The following BTNL8 variants were observed in gnomAD, a reference collection of about 807,000 sequenced individuals.
BTNL8 encodes butyrophilin like 8, also known as butyrophilin-like protein 8.
A neutral mutation model predicts 36.1 loss-of-function variants in BTNL8; 22 were observed. The observed-to-expected ratio is 0.61, with a 90% confidence interval of 0.44 to 0.87. The LOEUF (loss-of-function observed/expected upper bound fraction) is 0.87. Ranked by LOEUF, BTNL8 falls within the 40% of genes least tolerant of loss-of-function variation. The pLI is 0.00. For missense variants in BTNL8, 526 were observed against 616.9 expected (o/e 0.85, Z 1.56); for synonymous variants, 203 against 235.6 (o/e 0.86, Z 1.27).
At chr5:180,909,755 AG>A (rs1273992503) in intron 2 of BTNL8, 1 of 227,386 alleles carries the variant, frequency 4.4e-6, no homozygotes, top group African/African-American at 2.3e-5. Flanking sequence ...AGGAAAAAAC[AG>A]AAATTTATTG....
At chr5:180,903,791 C>A (rs201077089) in intron 1 of BTNL8, among the ~76,000 whole-genome samples, 2 of 139,116 alleles carry the variant, frequency 1.4e-5, no homozygotes, top group Non-Finnish European at 3.1e-5. Context: ...AATCCTTTCC[C>A]CATTGCTTGT....
chr5:180,941,125 G>GAAGGAAGGAAGC (rs1758922628), intron 3 of BTNL8, among the ~76,000 whole-genome samples: 1 of 150,258 alleles, frequency 6.7e-6, no homozygotes, highest in Non-Finnish European at 1.5e-5. Flanking sequence ...AGGAAGGAAG[G>GAAGGAAGGAAGC]AAGGAAGGAA....
intron 3 of BTNL8, among the ~76,000 whole-genome samples, chr5:180,942,330 G>A (rs1759022582): frequency 6.6e-6 from 1 of 152,142 alleles, no homozygotes; most frequent in South Asian, 2.1e-4. Context: ...TGTTCCTGAT[G>A]TAAGAGAATT....
intron 3 of BTNL8, 100 bp from the exon 4 acceptor site, chr5:180,947,412 T>C (rs1759314181): frequency 1.4e-6 from 2 of 1,437,630 alleles, no homozygotes; most frequent in African/African-American, 1.4e-5. Flanking sequence ...TATAGAAACC[T>C]ATTTCTTCCA....
At chr5:180,924,350 A>G (rs1582035914) in intron 3 of BTNL8, among the ~76,000 whole-genome samples, 1 of 152,140 alleles carries the variant, frequency 6.6e-6, no homozygotes, top group African/African-American at 2.4e-5. Context: ...GGCCCTGCCC[A>G]CCCTGAGTGA....
chr5:180,911,713 C>A, intron 3 of BTNL8, 99 bp downstream of exon 3: 1 of 1,194,740 alleles, frequency 8.4e-7, no homozygotes, highest in Non-Finnish European at 1.2e-6. Flanking sequence ...TTTTATCTTT[C>A]TCAGTTCTAA....
chr5:180,916,962 C>G (rs1036846158), intron 3 of BTNL8, among the ~76,000 whole-genome samples: 13 of 152,182 alleles, frequency 8.5e-5, no homozygotes, highest in Non-Finnish European at 1.8e-4. Flanking sequence ...GACTACGGCA[C>G]TATGAAAAAT....
intron 3 of BTNL8, among the ~76,000 whole-genome samples, chr5:180,933,201 C>G (rs1758486980): frequency 1.3e-5 from 2 of 152,072 alleles, no homozygotes; most frequent in African/African-American, 4.8e-5. Context: ...AACTGCAACA[C>G]AATAGAAGTA....
At chr5:180,947,387 G>A (rs7724616) in intron 3 of BTNL8, 125 bp from the exon 4 acceptor site, 506,118 of 1,267,370 alleles carry the variant, frequency 0.4, 104,579 homozygotes, top group African/African-American at 0.63. Flanking sequence ...AAAGTATTAA[G>A]CCTATAGGAG....
intron 3 of BTNL8, among the ~76,000 whole-genome samples, chr5:180,941,036 A>G (rs1758909490): frequency 6.6e-6 from 1 of 150,792 alleles, no homozygotes; most frequent in African/African-American, 2.4e-5. Flanking sequence ...GGCTGCAGTG[A>G]GCCGAGATTG....
chr5:180,911,626 G>A lies in BTNL8; in HGVS notation c.673+12G>A. The A allele has an allele frequency of 1.3e-6, 2 of 1,595,500 alleles. No individual in the cohort carries two copies. Among genetic ancestry groups the A allele is most frequent in the Non-Finnish European group, 1.7e-6 (2 of 1,165,536 alleles). On this transcript the variant is annotated intron_variant, in intron 3 of 7. Transcript: ENST00000340184. ...GGTACAGATAGGAGGTGAGTAGGGA[G>A]GGGAGGAGAAGAGAAGGAGGGGTGG...
rs745731827 is a variant in BTNL8, at chr5:180,899,369, A to G, written c.49+10A>G. Reference sequence around the variant, plus strand: ...CTCAAGCTGGGATCAGGTAAGACTCATCTTTGTTTCCTCCTTACTAACTAA... The same window carrying G: ...CTCAAGCTGGGATCAGGTAAGACTCGTCTTTGTTTCCTCCTTACTAACTAA... On this transcript the variant is annotated intron_variant, in intron 1 of 7. Coordinates refer to ENST00000340184, the MANE Select transcript of BTNL8 (RefSeq NM_001040462.3). 5.6e-6 allele frequency: 9 copies of G among 1,611,864 alleles called. No homozygotes were observed. Among genetic ancestry groups the G allele is most frequent in the Non-Finnish European group, 7.6e-6 (9 of 1,178,032 alleles).
At position 180,925,093 on chromosome 5, in the gene BTNL8, T is replaced by A. The variant is rs370920066; in HGVS notation, c.673+13479T>A. ...CTTGAAGACTGGATATTTTAAATTA[T>A]CCAGTCAGAGAATAAAAAAGAAAAA... On this transcript the variant is annotated intron_variant, in intron 3 of 7. Coordinates refer to ENST00000340184, the MANE Select transcript of BTNL8 (RefSeq NM_001040462.3). Among the ~76,000 whole-genome samples the A allele has an allele frequency of 7.2e-5, 11 of 151,952 alleles. No homozygotes were observed. The East Asian group carries it at 1.9e-3, about 27-fold the overall frequency.
At position 180,909,509 on chromosome 5, in the gene BTNL8, C is replaced by G. The variant is rs1008235602; in HGVS notation, c.397+576C>G. 1.2e-5 allele frequency: 12 copies of G among 985,176 alleles called. No homozygotes were observed. In the Admixed American group the frequency reaches 2.4e-4, roughly 20 times the overall value. The allele number at this position is 985,176 out of a possible 1,614,324, so 61.0% of individuals were successfully genotyped here. A position where few individuals can be genotyped will look rare whatever the true frequency, so the allele number is the denominator to read the frequency against. On this transcript the variant is annotated intron_variant, in intron 2 of 7. Transcript: ENST00000340184. ...AAACGTCAGCTCCAGGAAGCTGTGA[C>G]TTCCCCTGACAATCAGTTGCTCAAT...
chr5:180,911,686 C>G, intron 3 of BTNL8, 72 bp downstream of exon 3: 1 of 1,403,746 alleles, frequency 7.1e-7, no homozygotes, highest in Non-Finnish European at 9.7e-7. Context: ...ACAGGAGCCT[C>G]CATCTTGGCA....
intron 4 of BTNL8, 82 bp downstream of exon 4, chr5:180,947,707 C>G (rs772962690): frequency 6.2e-7 from 1 of 1,614,226 alleles, no homozygotes; most frequent in Non-Finnish European, 8.5e-7. Flanking sequence ...CCACATCCAG[C>G]TGCTTCTCTT....
intron 3 of BTNL8, among the ~76,000 whole-genome samples, chr5:180,916,154 G>A (rs1757619407): frequency 6.6e-6 from 1 of 152,186 alleles, no homozygotes; most frequent in Admixed American, 6.5e-5. Flanking sequence ...TGCAAAAATG[G>A]CATTAATCCA....
chr5:180,946,348 A>T (rs1759246850), intron 3 of BTNL8, among the ~76,000 whole-genome samples: 1 of 152,238 alleles, frequency 6.6e-6, no homozygotes, highest in Admixed American at 6.5e-5. Context: ...ACAATTGCTA[A>T]ATTCAGTCTA....
rs1466073895 is a variant in BTNL8, at chr5:180,908,781, A to G, written c.245A>G (p.Gln82Arg). 1 of 1,614,108 alleles carries G rather than the reference A, an allele frequency of 6.2e-7. No homozygotes were observed. The highest frequency in any genetic ancestry group is 8.5e-7 in the Non-Finnish European group (1 of 1,180,046). The change falls in exon 2 of 8, where the codon CAA (glutamine) becomes CGA (arginine). Residue 82 changes from glutamine (Q) to arginine (R), a missense_variant. By Grantham distance (43) the Gln-to-Arg change is conservative. Around this residue, in one of 2 missense-constraint regions of BTNL8, gnomAD observed 350 missense variants for 324.6 expected, o/e 1.08. Transcript: ENST00000340184. ...CCATTTATGCAGATGCCACAGTATC[A>G]AGGCAGGACAAAACTGGTGAAGGAT... ...DQPFMQMPQY[Q>R]GRTKLVKDSI...
Sources: gnomAD v4.1 joint callset for allele counts (sites outside exome capture counted in the v4.1 genomes callset) on GRCh38, gnomAD v4.1.1 for gene constraint, gnomAD v4.1.1 regional missense constraint, MANE v1.5 for transcripts, NCBI Gene and HGNC (gene_info 2026-07-23, HGNC 2026-07-21) for gene names.